The following ANKRD16 variants were observed in gnomAD, a reference collection of about 807,000 sequenced individuals.
The protein encoded by ANKRD16 is ankyrin repeat domain-containing protein 16.
Under a neutral mutation model 37.9 loss-of-function variants are expected in ANKRD16, and 35 were observed. The observed-to-expected ratio is 0.92, with a 90% CI of 0.71 to 1.23. The LOEUF (loss-of-function observed/expected upper bound fraction) is 1.23, where lower values mean the gene tolerates loss of function less well. ANKRD16 is among the 50% of genes most tolerant of loss of function. The probability of loss-of-function intolerance (pLI) is 0.00; values close to 1 mark genes in which losing one functional copy is unlikely to be tolerated. For missense variants in ANKRD16, 480 were observed against 469.9 expected, an observed-to-expected ratio of 1.02 and a Z score of -0.20; for synonymous variants, 206 against 197.2, an observed-to-expected ratio of 1.04 and a Z score of -0.37.
At chr10:5,881,853 A>G (rs940830219) in intron 5 of ANKRD16, among the ~76,000 whole-genome samples, 1 of 151,384 alleles carries the variant, frequency 6.6e-6, no homozygotes, top group Non-Finnish European at 1.5e-5. Context: ...ATGCCCGGCT[A>G]ATTTTTTGTA....
In ANKRD16 at chr10:5,864,794, G is replaced by A. The variant is rs1841991019; in HGVS notation, c.*34-2103C>T. 6.6e-6 allele frequency among the ~76,000 whole-genome samples: 1 copy of A among 152,150 alleles called. No homozygotes were observed. The highest frequency in any genetic ancestry group is 2.4e-5 in the African/African-American group (1 of 41,440). ...TTCTAGAAGGACAAAGGAGAATTAG[G>A]AAAAAGCCTGTGAATTATTTGATGA... On this transcript the variant is annotated intron_variant, in intron 7 of 7. Transcript: ENST00000380094. This position sits in a 1 kb window ranked among gnomAD's most constrained non-coding sequence, Gnocchi z 4.4.
chr10:5,882,741 T>C, intron 5 of ANKRD16: 1 of 290,998 alleles, frequency 3.4e-6, no homozygotes, highest in South Asian at 5.6e-5. Flanking sequence ...AATAACGTTA[T>C]TCCTGAAAAC....
Position 5,863,905 on chromosome 10 carries a change from AC to A in ANKRD16, c.*34-1215del, listed in dbSNP as rs1841977590. On this transcript the variant is annotated intron_variant, in intron 7 of 7. Coordinates refer to ENST00000380094, the MANE Select transcript of ANKRD16 (RefSeq NM_019046.3). This position sits in a 1 kb window ranked among gnomAD's most constrained non-coding sequence, Gnocchi z 4.7. The stretch of plus-strand genomic sequence containing the variant: ...AATAAAGTCCGGATACATTTTGGCG[AC>A]CCAGATGGGAAACACTCAGGCATCA... Among the ~76,000 whole-genome samples, 3 of 152,150 alleles carry A rather than the reference AC, an allele frequency of 2.0e-5. No homozygotes were observed. Among genetic ancestry groups the A allele is most frequent in the Middle Eastern group, 3.4e-3 (1 of 294 alleles).
In ANKRD16 at chr10:5,865,199, T is replaced by C. The variant is rs1002861543; in HGVS notation, c.*34-2508A>G. ...CAGGCCAATCACCTGGTAGGGCTTG[T>C]TACCAGTGTGGTTTGCAAGGACACC... On this transcript the variant is annotated intron_variant, in intron 7 of 7. Transcript: ENST00000380094. The surrounding 1 kb of genome is among the most constrained non-coding windows in gnomAD (Gnocchi z 4.7). 2.0e-5 allele frequency among the ~76,000 whole-genome samples: 3 copies of C among 152,182 alleles called. No individual in the cohort carries two copies. The highest frequency in any genetic ancestry group is 7.2e-5 in the African/African-American group (3 of 41,436).
In ANKRD16 at chr10:5,862,473, A is replaced by G; in HGVS notation, c.*252T>C. On this transcript the variant is annotated 3_prime_UTR_variant, in exon 8 of 8. Transcript: ENST00000380094. This position sits in a 1 kb window ranked among gnomAD's most constrained non-coding sequence, Gnocchi z 6.5. ...TCAATGGTTGGTGATGTCATCAGCA[A>G]CCATTTTTGGAGACAGACCCAGGGA... is the stretch of plus-strand genomic sequence containing the variant. 1 of 560,544 alleles carries G rather than the reference A, an allele frequency of 1.8e-6. No homozygotes were observed. The highest frequency in any genetic ancestry group is 6.7e-4 in the Middle Eastern group (1 of 1,502). The allele number at this position is 560,544 out of a possible 1,614,324, so 34.7% of individuals were successfully genotyped here.
Position 5,884,932 on chromosome 10 carries a change from C to T in ANKRD16, c.578+791G>A, listed in dbSNP as rs559368545. Among the ~76,000 whole-genome samples, 186 of 152,238 alleles carry T rather than the reference C, an allele frequency of 1.2e-3. 1 individual carries two copies. Among genetic ancestry groups the T allele is most frequent in the African/African-American group, 4.2e-3 (174 of 41,530 alleles). Reference sequence around the variant, plus strand: ...ATGGTCCCTTGCCTCCCGCTTTCAGCTAATTTCTTTTTCTCCTTCAGGTCA... The same window carrying T: ...ATGGTCCCTTGCCTCCCGCTTTCAGTTAATTTCTTTTTCTCCTTCAGGTCA... On this transcript the variant is annotated intron_variant, in intron 3 of 7. Transcript: ENST00000380094.
rs762296848 is a variant in ANKRD16, at chr10:5,870,279, G to A, written c.*34-7588C>T. ...CTTCACGGAGGCCCCCAGTGCACCTGCGCAGTGAGGTCAGCTTCGCAGGGG... is the reference window on the plus strand; with the variant it reads ...CTTCACGGAGGCCCCCAGTGCACCTACGCAGTGAGGTCAGCTTCGCAGGGG... On this transcript the variant is annotated intron_variant, in intron 7 of 7. Coordinates refer to ENST00000380094, the MANE Select transcript of ANKRD16 (RefSeq NM_019046.3). The surrounding 1 kb of genome is among the most constrained non-coding windows in gnomAD (Gnocchi z 5.0). Among the ~76,000 whole-genome samples the A allele has an allele frequency of 6.6e-6, 1 of 152,046 alleles. No individual in the cohort carries two copies. The highest frequency in any genetic ancestry group is 1.5e-5 in the Non-Finnish European group (1 of 68,010).
At chr10:5,883,926 T>C in intron 4 of ANKRD16, 43 bp downstream of exon 4, 1 of 1,575,036 alleles carries the variant, frequency 6.3e-7, no homozygotes, top group Non-Finnish European at 8.7e-7. Context: ...ACCTAAAATT[T>C]ATAGGAAGAA....
At chr10:5,880,775 A>C (rs1016569261) in intron 5 of ANKRD16, among the ~76,000 whole-genome samples, 2 of 152,254 alleles carry the variant, frequency 1.3e-5, no homozygotes, top group Non-Finnish European at 2.9e-5. Flanking sequence ...TTAGGAACAA[A>C]AGGAAAGGCA....
intron 2 of ANKRD16, among the ~76,000 whole-genome samples, chr10:5,886,408 AG>A (rs905261271): frequency 6.6e-6 from 1 of 152,180 alleles, no homozygotes; most frequent in African/African-American, 2.4e-5. Flanking sequence ...CTGGCCAACA[AG>A]GGGAAACCCC....
intron 5 of ANKRD16, among the ~76,000 whole-genome samples, chr10:5,880,642 G>A (rs77670253): frequency 6.6e-6 from 1 of 151,522 alleles, no homozygotes; most frequent in Non-Finnish European, 1.5e-5. Context: ...AGCAGGGGGG[G>A]GATTAGGCAA....
chr10:5,863,602 C>G lies in ANKRD16; in HGVS notation c.*34-911G>C, dbSNP rs1841972262. Among the ~76,000 whole-genome samples the G allele has an allele frequency of 6.6e-6, 1 of 152,084 alleles. No individual in the cohort carries two copies. Among genetic ancestry groups the G allele is most frequent in the African/African-American group, 2.4e-5 (1 of 41,386 alleles). ...AAAGCTGGCCACCCCCTGCCAGCAG[C>G]AGCAACCCACTTGGGTCCCCTTCCA... On this transcript the variant is annotated intron_variant, in intron 7 of 7. Coordinates refer to ENST00000380094, the MANE Select transcript of ANKRD16 (RefSeq NM_019046.3). This position sits in a 1 kb window ranked among gnomAD's most constrained non-coding sequence, Gnocchi z 4.7.
intron 1 of ANKRD16, 85 bp from the exon 2 acceptor site, chr10:5,888,152 T>C: frequency 2.4e-6 from 3 of 1,247,586 alleles, no homozygotes; most frequent in Non-Finnish European, 2.3e-6. Flanking sequence ...ACACACATCC[T>C]TGGCACAGAT....
intron 5 of ANKRD16, among the ~76,000 whole-genome samples, chr10:5,881,689 ATTTT>A (rs71388495): frequency 2.6e-5 from 3 of 113,218 alleles, no homozygotes; most frequent in Admixed American, 9.6e-5. Context: ...GATGGTCTTG[ATTTT>A]TTTTTTTTTT....
chr10:5,865,700 AC>A lies in ANKRD16; in HGVS notation c.*34-3010del, dbSNP rs1164573855. On this transcript the variant is annotated intron_variant, in intron 7 of 7. Coordinates refer to ENST00000380094, the MANE Select transcript of ANKRD16 (RefSeq NM_019046.3). This position sits in a 1 kb window ranked among gnomAD's most constrained non-coding sequence, Gnocchi z 4.7. Reference sequence around the variant, plus strand: ...TTCTTGTTATGCCTGAAAGTTCCACACCCTTATTAGGGAGGGACATATTAGC... The same window carrying A: ...TTCTTGTTATGCCTGAAAGTTCCACACCTTATTAGGGAGGGACATATTAGC... 6.6e-6 allele frequency among the ~76,000 whole-genome samples: 1 copy of A among 152,084 alleles called. No individual in the cohort carries two copies. Among genetic ancestry groups the A allele is most frequent in the Non-Finnish European group, 1.5e-5 (1 of 68,004 alleles).
chr10:5,863,244 G>A lies in ANKRD16; in HGVS notation c.*34-553C>T, dbSNP rs1841966485. Among the ~76,000 whole-genome samples the A allele has an allele frequency of 6.6e-6, 1 of 152,032 alleles. No homozygotes were observed. Among genetic ancestry groups the A allele is most frequent in the Admixed American group, 6.6e-5 (1 of 15,238 alleles). On this transcript the variant is annotated intron_variant, in intron 7 of 7. Transcript: ENST00000380094. The surrounding 1 kb of genome is among the most constrained non-coding windows in gnomAD (Gnocchi z 4.7). The stretch of plus-strand genomic sequence containing the variant: ...AGTTTCCCCTGTGCCAGAAGAATCA[G>A]TCCTCCAGATGGGTGGGCAGCACTG...
At chr10:5,881,173 A>G in intron 5 of ANKRD16, 1 of 692,556 alleles carries the variant, frequency 1.4e-6, no homozygotes, top group Non-Finnish European at 1.8e-6. Context: ...TATTTTGGTG[A>G]CATTTAATTA....
chr10:5,884,496 C>T (rs1052198623), intron 3 of ANKRD16, among the ~76,000 whole-genome samples: 16 of 152,090 alleles, frequency 1.1e-4, no homozygotes, highest in East Asian at 1.9e-4. Context: ...TTTGGGAGGC[C>T]GAGGTGGGTG....
At position 5,889,316 on chromosome 10, in the gene ANKRD16, C is replaced by G; in HGVS notation, c.39G>C (p.Leu13=). The G allele has an allele frequency of 7.7e-7, 1 of 1,298,826 alleles. No individual in the cohort carries two copies. Among genetic ancestry groups the G allele is most frequent in the East Asian group, 3.1e-5 (1 of 32,196 alleles). 80.5% of individuals were successfully genotyped at this position (1,298,826 alleles called of 1,614,324 possible). A position where few individuals can be genotyped will look rare whatever the true frequency, so the allele number is the denominator to read the frequency against. Residue 13 remains leucine, a synonymous_variant, in exon 1 of 8, where the codon CTG becomes CTC. Coordinates refer to ENST00000380094, the MANE Select transcript of ANKRD16 (RefSeq NM_019046.3). Reference sequence around the variant, plus strand: ...GGGCGCGCAGCCGGCCCTCCTGCACCAGCCTGCAGAGGCGCCGCGGGTCCC... The same window carrying G: ...GGGCGCGCAGCCGGCCCTCCTGCACGAGCCTGCAGAGGCGCCGCGGGTCCC... ...QPGDPRRLCR[L]VQEGRLRALK...
Sources: allele counts gnomAD v4.1 joint callset (sites outside exome capture counted in the v4.1 genomes callset), GRCh38; gene constraint gnomAD v4.1.1; non-coding constraint Gnocchi (gnomAD v3.1); transcripts MANE v1.5; gene names NCBI Gene and HGNC (gene_info 2026-07-23, HGNC 2026-07-21).